DST: variants seen among roughly 807,000 people sequenced by gnomAD.
DST encodes dystonin, also known as bullous pemphigoid antigen.
A neutral mutation model predicts 875.2 loss-of-function variants in DST; 253 were observed. That is an observed-to-expected ratio of 0.29 (90% confidence interval 0.26 to 0.32). The LOEUF is 0.32. Ranked by LOEUF, DST falls within the 10% of genes least tolerant of loss-of-function variation. The probability of loss-of-function intolerance (pLI) is 1.00; values close to 1 mark genes in which losing one functional copy is unlikely to be tolerated. For synonymous variants in DST, 3,124 were observed against 3,197.1 expected, an observed-to-expected ratio of 0.98 and a Z score of 0.77; for missense variants, 8,287 against 9,111.6, an observed-to-expected ratio of 0.91 and a Z score of 3.68.
chr6:56,599,249 G>A (rs2098420603), intron 45 of DST, among the ~76,000 whole-genome samples: 1 of 151,984 alleles, frequency 6.6e-6, no homozygotes, highest in South Asian at 2.1e-4. Flanking sequence ...GCTTTCCTAT[G>A]TCTAGATTTT....
intron 49 of DST, among the ~76,000 whole-genome samples, chr6:56,580,265 C>T (rs938111715): frequency 2.0e-5 from 3 of 152,068 alleles, no homozygotes; most frequent in East Asian, 1.9e-4. Flanking sequence ...AAAGTATTTC[C>T]AGCTGGTGCG....
chr6:56,496,409 GT>G (rs2095905291), intron 82 of DST, among the ~76,000 whole-genome samples: 1 of 151,922 alleles, frequency 6.6e-6, no homozygotes, highest in Non-Finnish European at 1.5e-5. Flanking sequence ...TCCTCTTTGT[GT>G]CTGTATTTGG....
At chr6:56,827,804 G>C (rs1348736840) in intron 4 of DST, among the ~76,000 whole-genome samples, 5 of 152,180 alleles carry the variant, frequency 3.3e-5, no homozygotes, top group Non-Finnish European at 7.3e-5. Context: ...AAATATATGT[G>C]TGGAGACCCA....
chr6:56,478,830 T>TA (rs756078391), intron 90 of DST, among the ~76,000 whole-genome samples: 9 of 152,180 alleles, frequency 5.9e-5, no homozygotes, highest in South Asian at 4.1e-4. Flanking sequence ...CAAGAAAACC[T>TA]AAAAAAACTC....
intron 2 of DST, among the ~76,000 whole-genome samples, chr6:56,902,999 T>C (rs918392158): frequency 2.7e-5 from 4 of 150,792 alleles, no homozygotes; most frequent in African/African-American, 9.7e-5. Flanking sequence ...CAAGCTTCTC[T>C]GATAATTTTT....
At chr6:56,754,925 A>G (rs2099597857) in intron 4 of DST, among the ~76,000 whole-genome samples, 1 of 152,174 alleles carries the variant, frequency 6.6e-6, no homozygotes, top group African/African-American at 2.4e-5. Context: ...GAAAGGAATG[A>G]GATAAACAAC....
At chr6:56,692,305 T>C (rs1030372941) in intron 9 of DST, 2 of 750,758 alleles carry the variant, frequency 2.7e-6, no homozygotes, top group Admixed American at 3.8e-5. Context: ...AAAATAACTT[T>C]ATAAAAGACA....
chr6:56,533,213 TA>T (rs1371095402), intron 63 of DST, among the ~76,000 whole-genome samples: 2 of 152,240 alleles, frequency 1.3e-5, no homozygotes, highest in Non-Finnish European at 2.9e-5. Flanking sequence ...TGATTCTAAT[TA>T]AACATTTCAA....
At position 56,471,152 on chromosome 6, in the gene DST, A is replaced by G; in HGVS notation, c.22275T>C (p.Asp7425=). The G allele has an allele frequency of 6.2e-7, 1 of 1,610,992 alleles. No homozygotes were observed. The highest frequency in any genetic ancestry group is 8.5e-7 in the Non-Finnish European group (1 of 1,178,500). ...DFFRRIDKDQ[D]GKITRQEFID... Reference sequence around the variant, plus strand: ...TAAATTCCTGCCGCGTTATTTTCCCATCCTGGTCTTTATCAATTCTCCTGA... The same window carrying G: ...TAAATTCCTGCCGCGTTATTTTCCCGTCCTGGTCTTTATCAATTCTCCTGA... Residue 7425 remains aspartate (D), a synonymous_variant, in exon 95 of 104, where the codon GAT becomes GAC. Transcript: ENST00000680361.
intron 36 of DST, among the ~76,000 whole-genome samples, chr6:56,622,258 T>C (rs963179603): frequency 3.9e-5 from 6 of 152,144 alleles, no homozygotes; most frequent in Admixed American, 1.3e-4. Context: ...CCTCAATGCC[T>C]TAGGCAATGC....
chr6:56,607,037 A>T lies in DST; in HGVS notation c.7591T>A (p.Ser2531Thr). The T allele has an allele frequency of 6.2e-7, 1 of 1,613,354 alleles. No homozygotes were observed. The highest frequency in any genetic ancestry group is 1.1e-5 in the South Asian group (1 of 91,056). Residue 2531 changes from serine (S) to threonine (T), a missense_variant, in exon 40 of 104, where the codon TCT (serine) becomes ACT (threonine). By Grantham distance (58) the Ser-to-Thr change is moderately conservative (BLOSUM62 1). Around this residue, in one of 10 missense-constraint regions of DST, gnomAD observed 3,138 missense variants for 3,116.6 expected, o/e 1.01. Coordinates refer to ENST00000680361, the MANE Select transcript of DST (RefSeq NM_001374736.1). ...YHNDKYISNTSGEDEKTHPGF... is the reference protein window; with the variant it reads ...YHNDKYISNTTGEDEKTHPGF... ...GGATGTGTTTTTTCATCCTCACCAG[A>T]AGTATTTGAAATGTATTTATCATTG...
At chr6:56,929,761 T>C (rs1809171577) in intron 2 of DST, among the ~76,000 whole-genome samples, 1 of 152,142 alleles carries the variant, frequency 6.6e-6, no homozygotes, top group Admixed American at 6.5e-5. Flanking sequence ...ACAAAACATA[T>C]ATAAAATGTT....
At chr6:56,862,410 T>C (rs922277090) in intron 3 of DST, among the ~76,000 whole-genome samples, 2 of 151,854 alleles carry the variant, frequency 1.3e-5, no homozygotes, top group African/African-American at 4.8e-5. Flanking sequence ...ATCCAACCAG[T>C]CTCCCAGAAT....
At chr6:56,741,499 A>G (rs1363298770) in intron 4 of DST, among the ~76,000 whole-genome samples, 1 of 152,234 alleles carries the variant, frequency 6.6e-6, no homozygotes, top group Non-Finnish European at 1.5e-5. Flanking sequence ...TGCTACAGGA[A>G]TGAGAAAAGA....
At chr6:56,563,707 T>C (rs1403817875) in intron 55 of DST, among the ~76,000 whole-genome samples, 1 of 152,246 alleles carries the variant, frequency 6.6e-6, no homozygotes, top group Non-Finnish European at 1.5e-5. Context: ...ATTTTTATGG[T>C]TTTAGGCCTT....
intron 69 of DST, among the ~76,000 whole-genome samples, chr6:56,518,394 T>A (rs543274836): frequency 1.3e-5 from 2 of 152,260 alleles, no homozygotes; most frequent in African/African-American, 4.8e-5. Flanking sequence ...AAAAAAAATG[T>A]CTGGGATGAC....
chr6:56,679,689 C>A (rs906789615), intron 9 of DST, among the ~76,000 whole-genome samples: 2 of 151,730 alleles, frequency 1.3e-5, no homozygotes, highest in Non-Finnish European at 2.9e-5. Context: ...GGAGGATCAC[C>A]TGGGCCCAGG....
intron 10 of DST, among the ~76,000 whole-genome samples, chr6:56,668,312 C>T (rs185448417): frequency 1.1e-4 from 17 of 152,274 alleles, no homozygotes; most frequent in Admixed American, 9.8e-4. Context: ...TCAAGAAGAT[C>T]TGGTGCTTTA....
chr6:56,538,785 C>T (rs1159125072), intron 61 of DST, among the ~76,000 whole-genome samples: 4 of 152,104 alleles, frequency 2.6e-5, no homozygotes, highest in Admixed American at 2.6e-4. Context: ...AAATCAATTA[C>T]ACATAATCAA....
Sources: allele counts gnomAD v4.1 joint callset (sites outside exome capture counted in the v4.1 genomes callset), GRCh38; gene constraint gnomAD v4.1.1; regional missense constraint gnomAD v4.1.1; transcripts MANE v1.5; gene names NCBI Gene and HGNC (gene_info 2026-07-23, HGNC 2026-07-21).